INTS7: variants seen among roughly 807,000 people sequenced by gnomAD.
The protein encoded by INTS7 is integrator complex subunit 7.
A neutral mutation model predicts 109.2 loss-of-function variants in INTS7; 46 were observed. The ratio of observed to expected loss-of-function variants is 0.42; its 90% CI spans 0.33 to 0.54. The LOEUF (loss-of-function observed/expected upper bound fraction) is 0.54. Ranked by LOEUF, INTS7 falls within the 20% of genes least tolerant of loss-of-function variation. The pLI is 0.07. For missense variants in INTS7, 929 were observed against 1,132.4 expected, an observed-to-expected ratio of 0.82 and a Z score of 2.58; for synonymous variants, 412 against 402.9, an observed-to-expected ratio of 1.02 and a Z score of -0.27.
At chr1:211,966,305 T>A (rs1663876288) in intron 16 of INTS7, 125 bp downstream of exon 16, 4 of 528,948 alleles carry the variant, frequency 7.6e-6, no homozygotes, top group Non-Finnish European at 6.7e-6. Context: ...CAAAAAATGC[T>A]GAAGAATTCT....
chr1:212,023,338 T>G (rs1666788512), intron 1 of INTS7, among the ~76,000 whole-genome samples: 1 of 152,218 alleles, frequency 6.6e-6, no homozygotes, highest in Non-Finnish European at 1.5e-5. Flanking sequence ...CTTTCTACAC[T>G]GGCTGAACTA....
chr1:212,026,284 TGTTA>T (rs1482248967), intron 1 of INTS7, among the ~76,000 whole-genome samples: 1 of 152,230 alleles, frequency 6.6e-6, no homozygotes, highest in Non-Finnish European at 1.5e-5. Flanking sequence ...AATGCACTCA[TGTTA>T]GTTATTCAGT....
intron 16 of INTS7, among the ~76,000 whole-genome samples, chr1:211,956,411 T>C (rs577906061): frequency 6.6e-6 from 1 of 152,344 alleles, no homozygotes; most frequent in Admixed American, 6.5e-5. Flanking sequence ...AAACCCTATT[T>C]AGTCTTAATG....
chr1:211,965,365 C>A (rs1663825521), intron 16 of INTS7, among the ~76,000 whole-genome samples: 1 of 152,154 alleles, frequency 6.6e-6, no homozygotes, highest in Non-Finnish European at 1.5e-5. Context: ...TAAATTAGTT[C>A]AACCATCGTG....
intron 7 of INTS7, 125 bp downstream of exon 7, chr1:212,006,513 CT>C (rs1331734845): frequency 5.0e-6 from 2 of 399,732 alleles, no homozygotes; most frequent in African/African-American, 4.2e-5. Context: ...ATCAACAATG[CT>C]TTTAGAAGTT....
At chr1:211,958,106 C>T (rs1663450682) in intron 16 of INTS7, among the ~76,000 whole-genome samples, 2 of 151,054 alleles carry the variant, frequency 1.3e-5, no homozygotes, top group African/African-American at 4.9e-5. Flanking sequence ...ACTTGTAATC[C>T]TTCTTACTCA....
At chr1:212,009,333 A>G (rs1007642265) in intron 5 of INTS7, among the ~76,000 whole-genome samples, 2 of 152,200 alleles carry the variant, frequency 1.3e-5, no homozygotes, top group Non-Finnish European at 2.9e-5. Flanking sequence ...ATATTCTCAT[A>G]TAACTGTCAT....
chr1:211,953,974 C>T lies in INTS7; in HGVS notation c.2184-1273G>A, dbSNP rs550175620. Among the ~76,000 whole-genome samples the T allele has an allele frequency of 3.9e-5, 6 of 152,350 alleles. No homozygotes were observed. The South Asian group carries it at 1.2e-3, about 32-fold the overall frequency. ...GTTCTAGATCCCTGAGGAATTGCCA[C>T]ACTGACTTCCACAATGGTTGAACTA... On this transcript the variant is annotated intron_variant, in intron 16 of 19. Transcript: ENST00000366994.
rs1558030846 is a variant in INTS7 at position 211,967,937 on chromosome 1, A to C, written c.2055T>G (p.Tyr685Ter). 6.2e-7 allele frequency: 1 copy of C among 1,609,446 alleles called. No homozygotes were observed. The highest frequency in any genetic ancestry group is 8.5e-7 in the Non-Finnish European group (1 of 1,177,904). The change falls in exon 15 of 20, where the codon TAT becomes TAG. Residue 685 changes from tyrosine (Y) to a stop codon, truncating the protein, a stop_gained. Coordinates refer to ENST00000366994, the MANE Select transcript of INTS7 (RefSeq NM_015434.4). LOFTEE classifies it high-confidence loss of function. ...CAAAAGATGCCTGGTAAAGATCTCC[A>C]TATCGAGAAGCAAGGCTTCGAAATT... is the stretch of plus-strand genomic sequence containing the variant. ...MEEFRSLASR[Y>*]GDLYQASFDA...
chr1:211,976,228 A>C (rs1664412080), intron 12 of INTS7, among the ~76,000 whole-genome samples: 1 of 152,306 alleles, frequency 6.6e-6, no homozygotes, highest in East Asian at 1.9e-4. Context: ...TAAGAATGAC[A>C]AGACTGGGGA....
At chr1:211,951,498 G>A (rs1050414166) in intron 17 of INTS7, among the ~76,000 whole-genome samples, 6 of 152,160 alleles carry the variant, frequency 3.9e-5, no homozygotes, top group African/African-American at 1.4e-4. Context: ...AGTAGACACA[G>A]GGTTTCACCA....
chr1:212,014,649 G>A lies in INTS7; in HGVS notation c.509+2237C>T, dbSNP rs918838531. On this transcript the variant is annotated intron_variant, in intron 4 of 19. Transcript: ENST00000366994. ...TCGGCTCACTGCAACCTCCCTGCCTGATTCTCCTGCCTCAGCCTGCCAAGT... is the reference window on the plus strand; with the variant it reads ...TCGGCTCACTGCAACCTCCCTGCCTAATTCTCCTGCCTCAGCCTGCCAAGT... 2.0e-5 allele frequency among the ~76,000 whole-genome samples: 3 copies of A among 149,548 alleles called. No individual in the cohort carries two copies. In the Admixed American group the frequency reaches 2.0e-4, roughly 10 times the overall value.
At chr1:211,983,910 C>T (rs550272723) in intron 8 of INTS7, among the ~76,000 whole-genome samples, 1 of 151,314 alleles carries the variant, frequency 6.6e-6, no homozygotes, top group Non-Finnish European at 1.5e-5. Context: ...TGCAGTGGTG[C>T]GATCATGGCC....
chr1:211,957,609 T>C (rs1045384928), intron 16 of INTS7, among the ~76,000 whole-genome samples: 4 of 152,198 alleles, frequency 2.6e-5, no homozygotes, highest in Non-Finnish European at 5.9e-5. Flanking sequence ...AATGTCTGAA[T>C]AGAAGTCTTT....
intron 7 of INTS7, among the ~76,000 whole-genome samples, chr1:211,994,077 G>C (rs1161647657): frequency 6.6e-6 from 1 of 151,790 alleles, no homozygotes; most frequent in African/African-American, 2.4e-5. Flanking sequence ...CTGAGACAAA[G>C]GCAGAAAGTA....
At position 212,035,383 on chromosome 1, in the gene INTS7, C is replaced by T. The variant is rs754648564; in HGVS notation, c.55G>A (p.Glu19Lys). 6.2e-7 allele frequency: 1 copy of T among 1,613,830 alleles called. No homozygotes were observed. Among genetic ancestry groups the T allele is most frequent in the African/African-American group, 1.3e-5 (1 of 75,062 alleles). Residue 19 changes from glutamate (E) to lysine (K), a missense_variant, in exon 1 of 20, where the codon GAA becomes AAA. By Grantham distance (56) the Glu-to-Lys change is moderately conservative (BLOSUM62 1). Transcript: ENST00000366994. ...ATAAGGGCAGAGTTGGCATCCAGTT[C>T]CTGTTCGCCATAGCCGGCATCTGCC... ...FLADAGYGEQ[E>K]LDANSALMEL...
chr1:211,948,777 G>A (rs1380184497), intron 17 of INTS7, among the ~76,000 whole-genome samples: 1 of 152,140 alleles, frequency 6.6e-6, no homozygotes, highest in East Asian at 1.9e-4. Context: ...GCACAATCTC[G>A]GCTCACTGCA....
chr1:212,010,081 T>C (rs974403385), intron 5 of INTS7, among the ~76,000 whole-genome samples: 1 of 152,236 alleles, frequency 6.6e-6, no homozygotes, highest in Non-Finnish European at 1.5e-5. Flanking sequence ...CTGTAAGTTA[T>C]CAGCTTTTTT....
intron 1 of INTS7, among the ~76,000 whole-genome samples, chr1:212,033,962 A>G (rs1407668162): frequency 1.3e-5 from 2 of 152,246 alleles, no homozygotes; most frequent in South Asian, 2.1e-4. Flanking sequence ...GGGCGCCTGT[A>G]ATTCCAGCTA....
Sources: gnomAD v4.1 joint callset for allele counts (sites outside exome capture counted in the v4.1 genomes callset) on GRCh38, gnomAD v4.1.1 for gene constraint, MANE v1.5 for transcripts, NCBI Gene and HGNC (gene_info 2026-07-23, HGNC 2026-07-21) for gene names.